The following SLC38A12 variants were observed in gnomAD, a reference collection of about 807,000 sequenced individuals.
SLC38A12 encodes solute carrier family 38 member 12, also known as putative sodium-coupled neutral amino acid transporter 12.
At chr17:74,814,540 A>G in the SLC38A12 span, among the ~76,000 whole-genome samples, 1 of 152,206 alleles carries the variant, frequency 6.6e-6, no homozygotes, top group Non-Finnish European at 1.5e-5. Flanking sequence ...TAACATGTCA[A>G]TTCCTCAGCT....
At chr17:74,816,539 C>T in the SLC38A12 span, among the ~76,000 whole-genome samples, 6 of 152,216 alleles carry the variant, frequency 3.9e-5, no homozygotes, top group Admixed American at 1.3e-4. Context: ...TGTGGGGCCC[C>T]TGGTGTTATC....
chr17:74,824,750 G>A, the SLC38A12 span, among the ~76,000 whole-genome samples: 1 of 152,306 alleles, frequency 6.6e-6, no homozygotes, highest in South Asian at 2.1e-4. Context: ...CTCAAAGTGG[G>A]TCAGACACCG....
the SLC38A12 span, among the ~76,000 whole-genome samples, chr17:74,826,273 G>C: frequency 2.0e-5 from 3 of 152,208 alleles, no homozygotes; most frequent in African/African-American, 7.2e-5. Flanking sequence ...TGCTCCAGAG[G>C]CTCAGACACT....
chr17:74,837,305 G>C, the SLC38A12 span: 15 of 985,544 alleles, frequency 1.5e-5, no homozygotes, highest in Non-Finnish European at 1.8e-5. Context: ...AGAGTCCCCA[G>C]ATAGAGCTGC....
chr17:74,839,207 C>T, the SLC38A12 span: 3 of 1,474,228 alleles, frequency 2.0e-6, no homozygotes, highest in Non-Finnish European at 2.7e-6. Context: ...GACTGGGAAG[C>T]ACTGCTGGGT....
At chr17:74,819,899 T>C in the SLC38A12 span, 15 of 1,527,716 alleles carry the variant, frequency 9.8e-6, no homozygotes, top group Non-Finnish European at 1.4e-5. Flanking sequence ...CCCTTCCCTC[T>C]CCTTTCATGA....
chr17:74,781,830 A>G, the SLC38A12 span, among the ~76,000 whole-genome samples: 20 of 152,122 alleles, frequency 1.3e-4, no homozygotes, highest in African/African-American at 4.6e-4. Flanking sequence ...TCGCAGTCTG[A>G]CTGCAGCCTC....
chr17:74,785,812 G>A, the SLC38A12 span: 2 of 560,288 alleles, frequency 3.6e-6, no homozygotes, highest in Non-Finnish European at 6.2e-6. Context: ...CGGTTGCACA[G>A]CCCTGATCAG....
the SLC38A12 span, among the ~76,000 whole-genome samples, chr17:74,794,024 G>A: frequency 2.0e-5 from 3 of 152,216 alleles, no homozygotes; most frequent in Non-Finnish European, 4.4e-5. Context: ...AGAGAAGCCA[G>A]CAGCTTGAGA....
the SLC38A12 span, among the ~76,000 whole-genome samples, chr17:74,805,010 G>A: frequency 6.6e-6 from 1 of 152,260 alleles, no homozygotes. The surrounding 1 kb of genome is among the most constrained non-coding windows in gnomAD (Gnocchi z 5.0). Context: ...GTAGATGCTT[G>A]GGTCCTGCGC....
At chr17:74,777,480 G>A in the SLC38A12 span, 1 of 1,578,816 alleles carries the variant, frequency 6.3e-7, no homozygotes, top group East Asian at 2.3e-5. Flanking sequence ...TGCTTGAGCA[G>A]ACCATAGTGG....
the SLC38A12 span, among the ~76,000 whole-genome samples, chr17:74,807,358 A>G: frequency 2.0e-5 from 3 of 152,232 alleles, 1 homozygote; most frequent in African/African-American, 4.8e-5. Flanking sequence ...TAGAGCCAGC[A>G]TGGCCCATCG....
the SLC38A12 span, among the ~76,000 whole-genome samples, chr17:74,810,907 T>C: frequency 4.6e-5 from 7 of 151,472 alleles, no homozygotes; most frequent in South Asian, 2.1e-4. Flanking sequence ...CGGCTCCTGC[T>C]CTCTTTCTCT....
the SLC38A12 span, among the ~76,000 whole-genome samples, chr17:74,793,883 T>G: frequency 6.6e-6 from 1 of 152,134 alleles, no homozygotes; most frequent in East Asian, 1.9e-4. Context: ...CCCCCCAGGC[T>G]CCTAGGAACA....
chr17:74,819,978 G>C, the SLC38A12 span: 1 of 737,720 alleles, frequency 1.4e-6, no homozygotes, highest in South Asian at 1.7e-5. Flanking sequence ...GGCCTGTCTG[G>C]TCCTCCCACC....
chr17:74,804,461 C>T, the SLC38A12 span, among the ~76,000 whole-genome samples: 2 of 152,238 alleles, frequency 1.3e-5, no homozygotes, highest in Admixed American at 6.5e-5. Flanking sequence ...GCGAGGGACT[C>T]GGCTATGATG....
chr17:74,781,822 G>A, the SLC38A12 span, among the ~76,000 whole-genome samples: 4 of 152,118 alleles, frequency 2.6e-5, no homozygotes, highest in African/African-American at 4.8e-5. Context: ...AGGGCTCTTC[G>A]CAGTCTGACT....
the SLC38A12 span, among the ~76,000 whole-genome samples, chr17:74,791,654 G>A: frequency 1.3e-5 from 2 of 152,226 alleles, no homozygotes; most frequent in Non-Finnish European, 2.9e-5. Flanking sequence ...CCCAGTGGCC[G>A]GCAGAGGGCG....
the SLC38A12 span, among the ~76,000 whole-genome samples, chr17:74,790,772 T>TAA: frequency 6.3e-5 from 8 of 127,002 alleles, no homozygotes; most frequent in South Asian, 2.7e-4. Flanking sequence ...TGAATTCCCT[T>TAA]AAAAAAAAAA....
Sources: gnomAD v4.1 joint callset for allele counts (sites outside exome capture counted in the v4.1 genomes callset) on GRCh38, gnomAD v4.1.1 for gene constraint, Gnocchi (gnomAD v3.1) non-coding constraint, MANE v1.5 for transcripts, NCBI Gene and HGNC (gene_info 2026-07-23, HGNC 2026-07-21) for gene names.